The following ABTB3 variants were observed in gnomAD, a reference collection of about 807,000 sequenced individuals.
ABTB3 encodes the protein ankyrin repeat and BTB domain containing 3.
the ABTB3 span, among the ~76,000 whole-genome samples, chr12:107,410,277 G>T: frequency 6.6e-6 from 1 of 152,060 alleles, no homozygotes; most frequent in Non-Finnish European, 1.5e-5. Flanking sequence ...GGGCAGAGTG[G>T]GTTCTAGGCA....
the ABTB3 span, among the ~76,000 whole-genome samples, chr12:107,406,603 G>A: frequency 1.3e-5 from 2 of 152,062 alleles, no homozygotes; most frequent in African/African-American, 2.4e-5. Context: ...CAATATTCAC[G>A]GAGCATTTCT....
At chr12:107,596,738 G>T in the ABTB3 span, among the ~76,000 whole-genome samples, 1 of 152,086 alleles carries the variant, frequency 6.6e-6, no homozygotes, top group African/African-American at 2.4e-5. Context: ...CAGGCCAAGA[G>T]CCTCTCCCTC....
the ABTB3 span, among the ~76,000 whole-genome samples, chr12:107,521,191 A>T: frequency 6.6e-6 from 1 of 152,102 alleles, no homozygotes; most frequent in Admixed American, 6.6e-5. Context: ...GGCTACAAGG[A>T]TCAATAAATG....
At chr12:107,370,673 T>C in the ABTB3 span, among the ~76,000 whole-genome samples, 1 of 151,718 alleles carries the variant, frequency 6.6e-6, no homozygotes, top group Non-Finnish European at 1.5e-5. Flanking sequence ...CTGCTGAGCC[T>C]GTGCTGCTGG....
chr12:107,390,968 T>C, the ABTB3 span, among the ~76,000 whole-genome samples: 1 of 152,106 alleles, frequency 6.6e-6, no homozygotes, highest in South Asian at 2.1e-4. Context: ...CTGGCCAACA[T>C]GGCAAAACCC....
the ABTB3 span, among the ~76,000 whole-genome samples, chr12:107,446,181 G>A: frequency 6.6e-6 from 1 of 152,072 alleles, no homozygotes; most frequent in Non-Finnish European, 1.5e-5. Flanking sequence ...TAGTAAACAC[G>A]GCGCTGAGTG....
At chr12:107,396,962 T>A in the ABTB3 span, among the ~76,000 whole-genome samples, 1 of 152,328 alleles carries the variant, frequency 6.6e-6, no homozygotes, top group South Asian at 2.1e-4. Flanking sequence ...TGCAACTCAA[T>A]TTTTTCACCC....
the ABTB3 span, among the ~76,000 whole-genome samples, chr12:107,613,171 A>G: frequency 3.3e-5 from 5 of 152,182 alleles, no homozygotes; most frequent in Non-Finnish European, 7.3e-5. Flanking sequence ...CCTGATTTCC[A>G]GAGTTCCTGA....
chr12:107,369,392 G>GTTTTTTT, the ABTB3 span, among the ~76,000 whole-genome samples: 10 of 134,902 alleles, frequency 7.4e-5, no homozygotes, highest in African/African-American at 8.4e-5. Flanking sequence ...TCAAACAAGG[G>GTTTTTTT]TTTTTTTTTT....
chr12:107,419,126 G>A, the ABTB3 span, among the ~76,000 whole-genome samples: 2 of 152,236 alleles, frequency 1.3e-5, no homozygotes, highest in African/African-American at 4.8e-5. Context: ...AGTTTATTAA[G>A]TAGTATCAAC....
chr12:107,319,679 G>C, the ABTB3 span: 2 of 1,536,122 alleles, frequency 1.3e-6, no homozygotes, highest in South Asian at 2.4e-5. Flanking sequence ...CCTCTTCCGG[G>C]ACATCTACTC....
At chr12:107,625,587 GCT>G in the ABTB3 span, among the ~76,000 whole-genome samples, 2 of 152,098 alleles carry the variant, frequency 1.3e-5, no homozygotes, top group Non-Finnish European at 2.9e-5. Context: ...GCAGGTAAGT[GCT>G]CTGGCTCCCA....
At chr12:107,373,770 C>G in the ABTB3 span, among the ~76,000 whole-genome samples, 1 of 152,170 alleles carries the variant, frequency 6.6e-6, no homozygotes, top group Non-Finnish European at 1.5e-5. Flanking sequence ...CTGTGGGACC[C>G]GGCACTTTCT....
chr12:107,647,958 A>T, the ABTB3 span, among the ~76,000 whole-genome samples: 1 of 152,228 alleles, frequency 6.6e-6, no homozygotes, highest in Non-Finnish European at 1.5e-5. Context: ...TGAAGGGACC[A>T]TTGAGGACAA....
At chr12:107,586,169 T>C in the ABTB3 span, among the ~76,000 whole-genome samples, 2 of 152,134 alleles carry the variant, frequency 1.3e-5, no homozygotes, top group African/African-American at 4.8e-5. Flanking sequence ...AGGGTCATGC[T>C]CCTGCTTTAA....
At chr12:107,439,640 C>T in the ABTB3 span, among the ~76,000 whole-genome samples, 1 of 152,176 alleles carries the variant, frequency 6.6e-6, no homozygotes, top group African/African-American at 2.4e-5. Flanking sequence ...TCACTCTGAC[C>T]TCTATGGTTC....
chr12:107,508,183 T>C, the ABTB3 span, among the ~76,000 whole-genome samples: 1 of 152,030 alleles, frequency 6.6e-6, no homozygotes, highest in African/African-American at 2.4e-5. Flanking sequence ...CTTTGTTTTC[T>C]CCTGTATCTC....
At chr12:107,547,234 G>A in the ABTB3 span, among the ~76,000 whole-genome samples, 1 of 151,574 alleles carries the variant, frequency 6.6e-6, no homozygotes, top group Non-Finnish European at 1.5e-5. Flanking sequence ...GGGGGAGGGG[G>A]AGGAAGAAGA....
At chr12:107,508,444 T>TTTTTTTTTTTTTTTTTTTG in the ABTB3 span, among the ~76,000 whole-genome samples, 1 of 76,884 alleles carries the variant, frequency 1.3e-5, no homozygotes, top group Non-Finnish European at 2.5e-5. Flanking sequence ...ATTTCTTTTT[T>TTTTTTTTTTTTTTTTTTTG]TTTTTTTTTT....
Sources: gnomAD v4.1 joint callset for allele counts (sites outside exome capture counted in the v4.1 genomes callset) on GRCh38, gnomAD v4.1.1 for gene constraint, MANE v1.5 for transcripts, NCBI Gene and HGNC (gene_info 2026-07-23, HGNC 2026-07-21) for gene names.